PSTPIP1: variants seen among roughly 807,000 people sequenced by gnomAD.
PSTPIP1 encodes proline-serine-threonine phosphatase-interacting protein 1.
A neutral mutation model predicts 69.6 loss-of-function variants in PSTPIP1; 66 were observed. The ratio of observed to expected loss-of-function variants is 0.95; its 90% confidence interval spans 0.78 to 1.16. PSTPIP1 has a LOEUF of 1.16. Ranked by LOEUF, PSTPIP1 falls within the 50% of genes most tolerant of loss-of-function variation. The pLI is 0.00. For synonymous variants in PSTPIP1, 266 were observed against 222.7 expected (o/e 1.19, Z -1.73); for missense variants, 603 against 557.4 (o/e 1.08, Z -0.82).
chr15:77,003,705 C>T (rs994120450), intron 1 of PSTPIP1, among the ~76,000 whole-genome samples: 2 of 152,018 alleles, frequency 1.3e-5, no homozygotes, highest in African/African-American at 4.8e-5. Context: ...AAGCCTCACC[C>T]AACCCTCACC....
intron 7 of PSTPIP1, 144 bp from the exon 8 acceptor site, chr15:77,029,385 T>C: frequency 1.1e-6 from 1 of 894,526 alleles, no homozygotes; most frequent in Non-Finnish European, 1.7e-6. Flanking sequence ...AGGTTGCTTG[T>C]GGATGATGGC....
Position 77,027,937 on chromosome 15 carries a change from G to A in PSTPIP1, c.417+23G>A, listed in dbSNP as rs1402804710. ...GAGGTGAGCGCCAGGGCCTGGGGCC[G>A]CGGCCTTCCCTCGAGGAGCAGCGCA... On this transcript the variant is annotated intron_variant, in intron 6 of 14. Coordinates refer to ENST00000558012, the MANE Select transcript of PSTPIP1 (RefSeq NM_003978.5). This position sits in a 1 kb window ranked among gnomAD's most constrained non-coding sequence, Gnocchi z 4.3. 1 of 1,537,784 alleles carries A rather than the reference G, an allele frequency of 6.5e-7. No homozygotes were observed. Among genetic ancestry groups the A allele is most frequent in the South Asian group, 1.2e-5 (1 of 83,744 alleles).
At chr15:77,034,331 T>C (rs2076502024) in intron 12 of PSTPIP1, among the ~76,000 whole-genome samples, 1 of 152,118 alleles carries the variant, frequency 6.6e-6, no homozygotes, top group African/African-American at 2.4e-5. Flanking sequence ...CTGGCACGTG[T>C]GTCTGCCCGC....
chr15:77,035,367 T>C (rs1051322112), intron 12 of PSTPIP1, 141 bp from the exon 13 acceptor site: 29 of 866,128 alleles, frequency 3.3e-5, no homozygotes, highest in Admixed American at 4.6e-5. Context: ...ATAAATGACA[T>C]CCATGCCTGG....
chr15:77,013,553 C>T (rs563383866), intron 1 of PSTPIP1, among the ~76,000 whole-genome samples: 4 of 152,132 alleles, frequency 2.6e-5, no homozygotes, highest in African/African-American at 9.7e-5. Flanking sequence ...ACCCTGCCCC[C>T]CTGGAGTCCC....
chr15:77,036,809 A>G (rs558062415), intron 14 of PSTPIP1, among the ~76,000 whole-genome samples: 17 of 152,014 alleles, frequency 1.1e-4, no homozygotes, highest in African/African-American at 4.1e-4. Flanking sequence ...AGAATGGGAG[A>G]GGGGAGGTGA....
chr15:77,026,203 C>T (rs982747161), intron 5 of PSTPIP1: 11 of 455,932 alleles, frequency 2.4e-5, no homozygotes, highest in Admixed American at 9.4e-5. Flanking sequence ...AGATGCTTGT[C>T]AGGGAGGCTG....
Position 77,025,333 on chromosome 15 carries a change from C to T in PSTPIP1, c.247+15C>T, listed in dbSNP as rs2076254401. ...CTTGAAGCAGCGTAAGTCCCCTACC[C>T]TGGGGCAATGGGATCTTTTGGGACT... On this transcript the variant is annotated intron_variant, in intron 4 of 14. Coordinates refer to ENST00000558012, the MANE Select transcript of PSTPIP1 (RefSeq NM_003978.5). 1 of 1,604,722 alleles carries T rather than the reference C, an allele frequency of 6.2e-7. No individual in the cohort carries two copies. Among genetic ancestry groups the T allele is most frequent in the Admixed American group, 1.7e-5 (1 of 59,990 alleles).
At chr15:77,019,059 G>A (rs2076111446) in intron 3 of PSTPIP1, among the ~76,000 whole-genome samples, 1 of 152,230 alleles carries the variant, frequency 6.6e-6, no homozygotes, top group South Asian at 2.1e-4. Flanking sequence ...CTCCTCAAAG[G>A]AAGAAGTGGG....
Position 77,018,132 on chromosome 15 carries a change from C to A in PSTPIP1, c.37-16C>A. The A allele has an allele frequency of 4.5e-6, 7 of 1,564,016 alleles. No individual in the cohort carries two copies. The highest frequency in any genetic ancestry group is 6.1e-6 in the Non-Finnish European group (7 of 1,154,890). On this transcript the variant is annotated splice_polypyrimidine_tract_variant and intron_variant, in intron 1 of 14. Coordinates refer to ENST00000558012, the MANE Select transcript of PSTPIP1 (RefSeq NM_003978.5). Reference sequence around the variant, plus strand: ...CTGGTCGTGGCCCTCATGTGTCCTTCTGTCCTGTGTCACAGTGCAGGGACT... The same window carrying A: ...CTGGTCGTGGCCCTCATGTGTCCTTATGTCCTGTGTCACAGTGCAGGGACT...
chr15:77,037,298 G>C lies in PSTPIP1; in HGVS notation c.*122G>C. 1 of 1,313,764 alleles carries C rather than the reference G, an allele frequency of 7.6e-7. No individual in the cohort carries two copies. Among genetic ancestry groups the C allele is most frequent in the Non-Finnish European group, 1.0e-6 (1 of 972,470 alleles). The allele number at this position is 1,313,764 out of a possible 1,614,324, so 81.4% of individuals were successfully genotyped here. A position where few individuals can be genotyped will look rare whatever the true frequency, so the allele number is the denominator to read the frequency against. Reference sequence around the variant, plus strand: ...CCCCAGCCCCGAGAGGGAGCCTGTCGTCTCCCAGGGAATAAAGGAGTGCGT... The same window carrying C: ...CCCCAGCCCCGAGAGGGAGCCTGTCCTCTCCCAGGGAATAAAGGAGTGCGT... On this transcript the variant is annotated 3_prime_UTR_variant, in exon 15 of 15. Transcript: ENST00000558012.
intron 1 of PSTPIP1, among the ~76,000 whole-genome samples, chr15:76,998,430 C>T (rs1224205431): frequency 6.6e-6 from 1 of 152,170 alleles, no homozygotes; most frequent in Admixed American, 6.5e-5. Context: ...AAGAGCTTTC[C>T]TTAAAGCTCA....
At chr15:77,036,013 C>A (rs372955697) in intron 14 of PSTPIP1, 78 bp downstream of exon 14, 1 of 1,460,702 alleles carries the variant, frequency 6.8e-7, no homozygotes, top group East Asian at 2.5e-5. Context: ...CAGTGCCTTG[C>A]GTCCTCATCT....
chr15:77,037,293 C>T lies in PSTPIP1; in HGVS notation c.*117C>T, dbSNP rs185302675. The T allele has an allele frequency of 1.2e-4, 156 of 1,351,658 alleles. No homozygotes were observed. The African/African-American group carries it at 2.1e-3, about 18-fold the overall frequency. The allele number at this position is 1,351,658 out of a possible 1,614,324, so 83.7% of individuals were successfully genotyped here. On this transcript the variant is annotated 3_prime_UTR_variant, in exon 15 of 15. Transcript: ENST00000558012. ...GCGTCCCCCAGCCCCGAGAGGGAGC[C>T]TGTCGTCTCCCAGGGAATAAAGGAG...
At chr15:76,994,974 T>C, upstream of PSTPIP1, 17 of 1,197,998 alleles carry the variant, frequency 1.4e-5, no homozygotes, top group Non-Finnish European at 1.7e-5. Context: ...CCTTAGCATA[T>C]GGCCTCTGGA....
chr15:77,012,643 C>T (rs1012961862), intron 1 of PSTPIP1, among the ~76,000 whole-genome samples: 8 of 152,208 alleles, frequency 5.3e-5, no homozygotes, highest in East Asian at 1.9e-4. Flanking sequence ...GACTGTAGGG[C>T]GGTGGAAGGA....
chr15:77,031,397 A>AG, intron 10 of PSTPIP1, 119 bp downstream of exon 10: 1 of 1,090,220 alleles, frequency 9.2e-7, no homozygotes, highest in South Asian at 1.3e-5. Context: ...GCCTGGCCCC[A>AG]GGGGTCTCAG....
At chr15:77,034,198 G>A (rs1320545654) in intron 12 of PSTPIP1, among the ~76,000 whole-genome samples, 1 of 1,888 alleles carries the variant, frequency 5.3e-4, no homozygotes, top group Admixed American at 0.019. Flanking sequence ...GGGAAAAGAG[G>A]TGTGGGGGCA....
At position 77,036,975 on chromosome 15, in the gene PSTPIP1, C is replaced by CCAGGCCCCTCCCTGCAGGCCCTTCCCTG. The variant is rs1568529747; in HGVS notation, c.1120-62_1120-35dup. 1.1e-5 allele frequency: 17 copies of CCAGGCCCCTCCCTGCAGGCCCTTCCCTG among 1,572,718 alleles called. 1 individual carries two copies. The highest frequency in any genetic ancestry group is 1.0e-4 in the South Asian group (9 of 87,388). ...GCATTTACTGCTGGGTGGGGGAACG[C>CCAGGCCCCTCCCTGCAGGCCCTTCCCTG]CAGGCCCCTCCCTGCAGGCCCTTCC... On this transcript the variant is annotated intron_variant, in intron 14 of 14. Transcript: ENST00000558012.
Sources: allele counts gnomAD v4.1 joint callset (sites outside exome capture counted in the v4.1 genomes callset), GRCh38; gene constraint gnomAD v4.1.1; non-coding constraint Gnocchi (gnomAD v3.1); transcripts MANE v1.5; gene names NCBI Gene and HGNC (gene_info 2026-07-23, HGNC 2026-07-21).